The following WDFY4 variants were observed in gnomAD, a reference collection of about 807,000 sequenced individuals.
WDFY4 encodes WD repeat- and FYVE domain-containing protein 4.
A neutral mutation model predicts 351.9 loss-of-function variants in WDFY4; 169 were observed. That is an observed-to-expected ratio of 0.48 (90% CI 0.42 to 0.55). The LOEUF is 0.55. Among genes scored for constraint, WDFY4 ranks in the 20% least tolerant of loss-of-function variants. WDFY4 has a pLI of 0.00. For synonymous variants in WDFY4, 1,622 were observed against 1,574.6 expected (o/e 1.03, Z -0.71); for missense variants, 3,803 against 3,935.6 (o/e 0.97, Z 0.90).
intron 4 of WDFY4, among the ~76,000 whole-genome samples, chr10:48,723,186 C>T (rs2064149787): frequency 7.1e-6 from 1 of 141,808 alleles, no homozygotes; most frequent in African/African-American, 2.6e-5. Flanking sequence ...TCCCTCCCTT[C>T]CTTCCTTCCA....
chr10:48,797,522 C>T (rs1565210195), intron 24 of WDFY4, among the ~76,000 whole-genome samples: 1 of 152,280 alleles, frequency 6.6e-6, no homozygotes, highest in East Asian at 1.9e-4. Context: ...TTTTTAAAAT[C>T]ATAGTCATGA....
chr10:48,699,899 G>A (rs2063432254), intron 1 of WDFY4, among the ~76,000 whole-genome samples: 1 of 152,168 alleles, frequency 6.6e-6, no homozygotes, highest in South Asian at 2.1e-4. Context: ...TGGTCCTCCA[G>A]GTGTGGTCCC....
chr10:48,758,021 A>G lies in WDFY4; in HGVS notation c.2460-2326A>G, dbSNP rs76074498. ...GTGTATTATATTTACCCAAATATTT[A>G]CCATTTCTGTTGCTCTTTCTTCATC... On this transcript the variant is annotated intron_variant, in intron 12 of 61. Coordinates refer to ENST00000325239, the MANE Select transcript of WDFY4 (RefSeq NM_001394531.1). 7.5e-3 allele frequency among the ~76,000 whole-genome samples: 1,148 copies of G among 152,226 alleles called. 15 individuals carry two copies. Among genetic ancestry groups the G allele is most frequent in the African/African-American group, 0.026 (1,087 of 41,554 alleles).
chr10:48,929,945 C>G (rs1303209326), intron 47 of WDFY4, among the ~76,000 whole-genome samples: 1 of 152,150 alleles, frequency 6.6e-6, no homozygotes, highest in Non-Finnish European at 1.5e-5. Context: ...CACTTCTCCT[C>G]CAATAGCATC....
chr10:48,822,347 A>T (rs1328684437), intron 34 of WDFY4, 33 bp from the exon 35 acceptor site: 4 of 1,500,728 alleles, frequency 2.7e-6, no homozygotes, highest in African/African-American at 1.4e-5. Context: ...GTCCATTTAG[A>T]CTCTCACCTC....
At chr10:48,694,666 G>A (rs1357286672) in intron 1 of WDFY4, among the ~76,000 whole-genome samples, 2 of 152,034 alleles carry the variant, frequency 1.3e-5, no homozygotes, top group Non-Finnish European at 2.9e-5. Context: ...TTGCCACTCC[G>A]GACTCTCTGC....
intron 61 of WDFY4, among the ~76,000 whole-genome samples, chr10:48,982,052 G>A (rs888257498): frequency 2.7e-4 from 41 of 152,202 alleles, no homozygotes; most frequent in Non-Finnish European, 5.9e-5. Context: ...CTGGCGTGGC[G>A]TGGGCTGTTC....
intron 33 of WDFY4, 60 bp downstream of exon 33, chr10:48,820,497 T>A: frequency 6.6e-7 from 1 of 1,511,318 alleles, no homozygotes; most frequent in Non-Finnish European, 9.0e-7. Flanking sequence ...ATACCGGCAC[T>A]GCAAGGGCAG....
rs147241522 is a variant in WDFY4 at position 48,725,913 on chromosome 10, C to T, written c.624C>T (p.Gly208=). The part of the protein sequence containing the change: ...MLLNICSDSQ[G]LEGLLSGSEL... ...TCAATATTTGCAGTGACTCTCAGGG[C>T]CTGGAGGGACTCCTCTCAGGAAGTG... Residue 208 remains glycine, a synonymous_variant, in exon 6 of 62, where the codon GGC becomes GGT. Transcript: ENST00000325239. 1.2e-5 allele frequency: 18 copies of T among 1,550,632 alleles called. No individual in the cohort carries two copies. In the East Asian group the frequency reaches 3.4e-4, roughly 30 times the overall value.
chr10:48,957,000 C>A, intron 51 of WDFY4, 129 bp from the exon 52 acceptor site: 2 of 1,239,250 alleles, frequency 1.6e-6, no homozygotes, highest in Non-Finnish European at 2.2e-6. Context: ...GATGGGTACA[C>A]GTGTGTGAGG....
intron 51 of WDFY4, among the ~76,000 whole-genome samples, chr10:48,953,489 G>A (rs527843850): frequency 4.5e-4 from 69 of 152,348 alleles, no homozygotes; most frequent in Middle Eastern, 3.4e-3. Context: ...GCCCAAGCCA[G>A]TCTGCTTCTG....
At chr10:48,822,267 A>G in intron 34 of WDFY4, 113 bp from the exon 35 acceptor site, 1 of 1,189,226 alleles carries the variant, frequency 8.4e-7, no homozygotes. Context: ...CTTTGGAACC[A>G]TGGGGTACAC....
At chr10:48,904,599 T>C (rs1007816977) in intron 47 of WDFY4, among the ~76,000 whole-genome samples, 2 of 152,144 alleles carry the variant, frequency 1.3e-5, no homozygotes, top group Non-Finnish European at 2.9e-5. Flanking sequence ...CCATTTCTCA[T>C]AGGCGTTCTC....
At chr10:48,768,024 T>C (rs1214961160) in intron 13 of WDFY4, among the ~76,000 whole-genome samples, 4 of 152,066 alleles carry the variant, frequency 2.6e-5, no homozygotes, top group African/African-American at 9.7e-5. Context: ...CTGGGGACTG[T>C]TGTACCAGGG....
Position 48,778,009 on chromosome 10 carries a change from T to C in WDFY4, c.3175+514T>C, listed in dbSNP as rs931121748. On this transcript the variant is annotated intron_variant, in intron 17 of 61. Transcript: ENST00000325239. ...GAGTTGGGCTGATGGCCGTTGAGAA[T>C]AGACCAATCTTTGGCAAGTGGCTTC... Among the ~76,000 whole-genome samples, 6 of 152,218 alleles carry C rather than the reference T, an allele frequency of 3.9e-5. No individual in the cohort carries two copies. In the South Asian group the frequency reaches 6.2e-4, roughly 16 times the overall value.
At chr10:48,920,069 TACTC>T (rs1325392079) in intron 47 of WDFY4, among the ~76,000 whole-genome samples, 1 of 151,938 alleles carries the variant, frequency 6.6e-6, no homozygotes, top group African/African-American at 2.4e-5. Flanking sequence ...AGCCCAAACT[TACTC>T]AATACTTGGG....
chr10:48,827,860 C>G (rs1309925642), intron 36 of WDFY4, among the ~76,000 whole-genome samples: 1 of 150,762 alleles, frequency 6.6e-6, no homozygotes, highest in Non-Finnish European at 1.5e-5. Flanking sequence ...AGAAAATAAT[C>G]CATTTTCAGT....
intron 60 of WDFY4, 150 bp downstream of exon 60, chr10:48,978,543 C>A: frequency 1.6e-6 from 1 of 642,658 alleles, no homozygotes; most frequent in Non-Finnish European, 2.6e-6. Context: ...CAGTGACTTG[C>A]CCAAAGTCAC....
intron 32 of WDFY4, among the ~76,000 whole-genome samples, chr10:48,818,972 A>G (rs534616868): frequency 2.0e-5 from 3 of 152,188 alleles, no homozygotes; most frequent in Non-Finnish European, 2.9e-5. Flanking sequence ...GCAGGGGTCC[A>G]GCGGCCTAAC....
Sources: gnomAD v4.1 joint callset for allele counts (sites outside exome capture counted in the v4.1 genomes callset) on GRCh38, gnomAD v4.1.1 for gene constraint, MANE v1.5 for transcripts, NCBI Gene and HGNC (gene_info 2026-07-23, HGNC 2026-07-21) for gene names.